Variants in PLXDC1 observed in about 807,000 individuals in gnomAD.
PLXDC1 encodes the protein plexin domain containing 1, also known as plexin domain-containing protein 1.
In PLXDC1, 39 loss-of-function variants were observed where a neutral mutation model predicts 61.3. The ratio of observed to expected loss-of-function variants is 0.64; its 90% CI spans 0.49 to 0.83. The LOEUF (loss-of-function observed/expected upper bound fraction) is 0.83. Among genes scored for constraint, PLXDC1 ranks in the 40% least tolerant of loss-of-function variants. The probability of loss-of-function intolerance (pLI) is 0.00; values close to 1 mark genes in which losing one functional copy is unlikely to be tolerated. For synonymous variants in PLXDC1, 212 were observed against 254.5 expected, an observed-to-expected ratio of 0.83 and a Z score of 1.59; for missense variants, 596 against 666.5, an observed-to-expected ratio of 0.89 and a Z score of 1.17.
intron 1 of PLXDC1, among the ~76,000 whole-genome samples, chr17:39,149,402 C>G (rs2045360336): frequency 6.6e-6 from 1 of 152,172 alleles, no homozygotes; most frequent in African/African-American, 2.4e-5. Flanking sequence ...TACATCTGGC[C>G]TCCCCAGACA....
At chr17:39,129,462 C>CA (rs1911462058) in intron 2 of PLXDC1, among the ~76,000 whole-genome samples, 1 of 151,164 alleles carries the variant, frequency 6.6e-6, no homozygotes, top group African/African-American at 2.4e-5. Context: ...CCTAAAAATA[C>CA]AAAAATTAGC....
intron 2 of PLXDC1, among the ~76,000 whole-genome samples, chr17:39,124,746 C>T (rs1235253310): frequency 6.6e-6 from 1 of 152,202 alleles, no homozygotes. Context: ...TAAAGAGAGA[C>T]ATGCCTGCCT....
rs1491541593 is a variant in PLXDC1, at chr17:39,102,744, A to ACACACT, written c.811+3109_811+3110insAGTGTG. Among the ~76,000 whole-genome samples, 146 of 92,844 alleles carry ACACACT rather than the reference A, an allele frequency of 1.6e-3. 1 individual carries two copies. Among genetic ancestry groups the ACACACT allele is most frequent in the East Asian group, 8.2e-3 (35 of 4,278 alleles). 60.9% of individuals were successfully genotyped at this position (92,844 alleles called of 152,430 possible). On this transcript the variant is annotated intron_variant, in intron 7 of 13. Coordinates refer to ENST00000315392, the MANE Select transcript of PLXDC1 (RefSeq NM_020405.5). ...CACACACACACACACACACACACTC[A>ACACACT]CTCACCTGAAGGCTTGCAGCTCTGG...
chr17:39,090,028 A>C (rs1248046476), intron 7 of PLXDC1, among the ~76,000 whole-genome samples: 5 of 152,014 alleles, frequency 3.3e-5, no homozygotes, highest in Admixed American at 2.0e-4. Flanking sequence ...CAAACTCCTG[A>C]CCTCAGGTGA....
At position 39,128,042 on chromosome 17, in the gene PLXDC1, C is replaced by T. The variant is rs1178654715; in HGVS notation, c.255+11612G>A. ...AAGTACCACTTCATACCCACTAGGACAGCTCTCTCTCTCTCTCTCTCTCTG... is the reference window on the plus strand; with the variant it reads ...AAGTACCACTTCATACCCACTAGGATAGCTCTCTCTCTCTCTCTCTCTCTG... On this transcript the variant is annotated intron_variant, in intron 2 of 13. Coordinates refer to ENST00000315392, the MANE Select transcript of PLXDC1 (RefSeq NM_020405.5). Among the ~76,000 whole-genome samples, 5 of 111,676 alleles carry T rather than the reference C, an allele frequency of 4.5e-5. No individual in the cohort carries two copies. The Admixed American group carries it at 4.5e-4, about 10-fold the overall frequency. The allele number at this position is 111,676 out of a possible 152,430, so 73.3% of individuals were successfully genotyped here. A position where few individuals can be genotyped will look rare whatever the true frequency, so the allele number is the denominator to read the frequency against.
intron 11 of PLXDC1, among the ~76,000 whole-genome samples, chr17:39,074,682 T>G (rs1198757386): frequency 4.6e-5 from 7 of 152,106 alleles, no homozygotes. Context: ...CAGACCCCCT[T>G]CTAGCCTCTG....
chr17:39,096,083 TC>T, intron 7 of PLXDC1, among the ~76,000 whole-genome samples: 1 of 152,298 alleles, frequency 6.6e-6, no homozygotes. Flanking sequence ...GACAGGTCGA[TC>T]CACAAACTCC....
Position 39,139,919 on chromosome 17 carries a change from C to T in PLXDC1, c.77-87G>A, listed in dbSNP as rs988694451. Reference sequence around the variant, plus strand: ...CCAGCCCAGTTATTCTGCAAGGGCCCCAACACCATGCCACTGTAGAATTTG... The same window carrying T: ...CCAGCCCAGTTATTCTGCAAGGGCCTCAACACCATGCCACTGTAGAATTTG... On this transcript the variant is annotated intron_variant, in intron 1 of 13. Transcript: ENST00000315392. 15 of 1,299,194 alleles carry T rather than the reference C, an allele frequency of 1.2e-5. No individual in the cohort carries two copies. The African/African-American group carries it at 1.9e-4, about 16-fold the overall frequency. 80.5% of individuals were successfully genotyped at this position (1,299,194 alleles called of 1,614,324 possible).
chr17:39,089,208 G>A (rs1909861307), intron 7 of PLXDC1, among the ~76,000 whole-genome samples: 1 of 152,102 alleles, frequency 6.6e-6, no homozygotes. Context: ...CCTACAGGTG[G>A]GCTGAACCAC....
chr17:39,124,901 C>T (rs967565893), intron 2 of PLXDC1, among the ~76,000 whole-genome samples: 1 of 152,144 alleles, frequency 6.6e-6, no homozygotes, highest in Non-Finnish European at 1.5e-5. Context: ...GCAACCTCCA[C>T]CTCCCGGGCT....
intron 8 of PLXDC1, among the ~76,000 whole-genome samples, chr17:39,087,355 C>G (rs1909780372): frequency 6.6e-6 from 1 of 152,212 alleles, no homozygotes; most frequent in Non-Finnish European, 1.5e-5. Context: ...CCCTAACCCC[C>G]ACCCCAAACC....
chr17:39,145,916 T>C (rs980332309), intron 1 of PLXDC1, among the ~76,000 whole-genome samples: 1 of 152,088 alleles, frequency 6.6e-6, no homozygotes. Flanking sequence ...AACAAAATCA[T>C]ATACACAGAG....
intron 4 of PLXDC1, 181 bp downstream of exon 4, chr17:39,108,723 T>G (rs147866175): frequency 1.4e-3 from 853 of 615,236 alleles, no homozygotes; most frequent in Middle Eastern, 5.7e-3. Context: ...GGTCAGCTAA[T>G]GCAAGGGAGA....
In PLXDC1 at chr17:39,139,736, G is replaced by T. The variant is rs1156384648; in HGVS notation, c.173C>A (p.Pro58Gln). 6.2e-7 allele frequency: 1 copy of T among 1,613,860 alleles called. No individual in the cohort carries two copies. The highest frequency in any genetic ancestry group is 8.5e-7 in the Non-Finnish European group (1 of 1,180,016). Residue 58 changes from proline (P) to glutamine (Q), a missense_variant, in exon 2 of 14, where the codon CCG (proline) becomes CAG (glutamine). Transcript: ENST00000315392. ...ARESPGHVSEPDRTQLSQDLG... is the reference protein window; with the variant it reads ...ARESPGHVSEQDRTQLSQDLG... ...GTCCTGGCTCAGCTGGGTCCTGTCC[G>T]GCTCTGACACATGCCCAGGGCTCTC...
At chr17:39,131,017 C>G (rs931771000) in intron 2 of PLXDC1, among the ~76,000 whole-genome samples, 2 of 152,092 alleles carry the variant, frequency 1.3e-5, no homozygotes, top group African/African-American at 4.8e-5. Flanking sequence ...GCTGAGTAGC[C>G]GGGAGCAGTG....
intron 2 of PLXDC1, among the ~76,000 whole-genome samples, chr17:39,136,849 GAAC>G (rs1380641757): frequency 1.3e-5 from 2 of 151,930 alleles, no homozygotes; most frequent in Non-Finnish European, 2.9e-5. Context: ...CCAGAAAGAA[GAAC>G]AACAAGCACA....
chr17:39,096,090 ACT>A (rs1910188574), intron 7 of PLXDC1, among the ~76,000 whole-genome samples: 1 of 152,002 alleles, frequency 6.6e-6, no homozygotes, highest in African/African-American at 2.4e-5. Flanking sequence ...CGATCCACAA[ACT>A]CCCACCTGGA....
chr17:39,104,391 G>A (rs1033200894), intron 7 of PLXDC1, among the ~76,000 whole-genome samples: 4 of 152,102 alleles, frequency 2.6e-5, no homozygotes, highest in African/African-American at 9.7e-5. Flanking sequence ...AAGGTACTGG[G>A]TAAGGCCTTT....
chr17:39,138,337 C>T (rs1336217777), intron 2 of PLXDC1, among the ~76,000 whole-genome samples: 1 of 152,086 alleles, frequency 6.6e-6, no homozygotes, highest in Non-Finnish European at 1.5e-5. Flanking sequence ...GGCCAGGATC[C>T]AGGAAGAGCC....
Sources: allele counts gnomAD v4.1 joint callset (sites outside exome capture counted in the v4.1 genomes callset), GRCh38; gene constraint gnomAD v4.1.1; transcripts MANE v1.5; gene names NCBI Gene and HGNC (gene_info 2026-07-23, HGNC 2026-07-21).